The following DEPDC7 variants were observed in gnomAD, a reference collection of about 807,000 sequenced individuals.
DEPDC7 encodes the protein DEP domain-containing protein 7.
Under a neutral mutation model 56.6 loss-of-function variants are expected in DEPDC7, and 41 were observed. The ratio of observed to expected loss-of-function variants is 0.72; its 90% CI spans 0.56 to 0.94. DEPDC7 has a LOEUF of 0.94. Ranked by LOEUF, DEPDC7 falls within the 40% of genes least tolerant of loss-of-function variation. The pLI is 0.00. For missense variants in DEPDC7, 522 were observed against 596.3 expected (o/e 0.88, Z 1.30); for synonymous variants, 185 against 208.8 (o/e 0.89, Z 0.98).
At chr11:33,031,673 A>G (rs1441386446) in intron 5 of DEPDC7, 84 bp downstream of exon 5, 25 of 1,068,146 alleles carry the variant, frequency 2.3e-5, no homozygotes, top group Non-Finnish European at 3.5e-5. Context: ...CCAGAATAGT[A>G]CTACTACAAG....
intron 1 of DEPDC7, among the ~76,000 whole-genome samples, 177 bp from the exon 2 acceptor site, chr11:33,025,482 A>G (rs1289223025): frequency 6.6e-6 from 1 of 152,214 alleles, no homozygotes; most frequent in Non-Finnish European, 1.5e-5. Context: ...TTGGCATATA[A>G]GTACCAAATT....
At chr11:33,022,837 A>G (rs1853536398) in intron 1 of DEPDC7, among the ~76,000 whole-genome samples, 1 of 152,218 alleles carries the variant, frequency 6.6e-6, no homozygotes, top group South Asian at 2.1e-4. Context: ...TATTTAGTCA[A>G]TTCTCCATAA....
rs369905522 is a variant in DEPDC7, at chr11:33,023,225, G to C, written c.74-2434G>C. Reference sequence around the variant, plus strand: ...AGCCTGGGTGACAGAGAGGGACTCTGTCTCAAAAAAAAAAAAAAAATCTTG... The same window carrying C: ...AGCCTGGGTGACAGAGAGGGACTCTCTCTCAAAAAAAAAAAAAAAATCTTG... On this transcript the variant is annotated intron_variant, in intron 1 of 8. Coordinates refer to ENST00000241051, the MANE Select transcript of DEPDC7 (RefSeq NM_001077242.2). Among the ~76,000 whole-genome samples, 23 of 146,866 alleles carry C rather than the reference G, an allele frequency of 1.6e-4. 1 individual carries two copies. The East Asian group carries it at 3.0e-3, about 19-fold the overall frequency.
intron 2 of DEPDC7, 43 bp from the exon 3 acceptor site, chr11:33,027,643 G>T: frequency 6.9e-7 from 1 of 1,443,032 alleles, no homozygotes; most frequent in Non-Finnish European, 9.1e-7. Context: ...AAATATTTCT[G>T]TGGGCTTAGT....
At chr11:33,027,886 T>C in intron 3 of DEPDC7, 73 bp downstream of exon 3, 1 of 1,382,716 alleles carries the variant, frequency 7.2e-7, no homozygotes, top group South Asian at 1.5e-5. Context: ...TTAATCTTAA[T>C]CTTTATTAGA....
Position 33,028,711 on chromosome 11 carries a change from C to G in DEPDC7, c.701C>G (p.Pro234Arg). The G allele has an allele frequency of 6.2e-7, 1 of 1,613,968 alleles. No homozygotes were observed. The highest frequency in any genetic ancestry group is 8.5e-7 in the Non-Finnish European group (1 of 1,179,980). Residue 234 changes from proline to arginine, a missense_variant, in exon 4 of 9, where the codon CCT (proline) becomes CGT (arginine). Coordinates refer to ENST00000241051, the MANE Select transcript of DEPDC7 (RefSeq NM_001077242.2). ...CAGCAAGAGGCTGTACCTAAAATTC[C>G]TCAACCTAAGAGGCAGTCCACCATG... ...LKQQEAVPKI[P>R]QPKRQSTMVN...
At chr11:33,016,336 C>T in intron 1 of DEPDC7, 1 of 1,401,336 alleles carries the variant, frequency 7.1e-7, no homozygotes, top group Non-Finnish European at 9.2e-7. Flanking sequence ...CAGGCACGCG[C>T]CGGGGAGCTC....
chr11:33,025,377 G>A (rs1284381306), intron 1 of DEPDC7, among the ~76,000 whole-genome samples: 4 of 152,082 alleles, frequency 2.6e-5, no homozygotes, highest in Non-Finnish European at 5.9e-5. Flanking sequence ...GATCTAACAC[G>A]TATGGATTGT....
intron 1 of DEPDC7, among the ~76,000 whole-genome samples, chr11:33,019,838 A>G (rs1255304913): frequency 2.0e-5 from 3 of 152,030 alleles, no homozygotes; most frequent in South Asian, 2.1e-4. Flanking sequence ...CCATCTCTTA[A>G]AAGTTTTATG....
At chr11:33,025,554 A>G in intron 1 of DEPDC7, 105 bp from the exon 2 acceptor site, 1 of 1,100,716 alleles carries the variant, frequency 9.1e-7, no homozygotes, top group Non-Finnish European at 1.3e-6. Context: ...GCTCCTTATC[A>G]ATAACTTTGG....
intron 1 of DEPDC7, among the ~76,000 whole-genome samples, chr11:33,020,872 A>C (rs1853516515): frequency 6.6e-6 from 1 of 152,222 alleles, no homozygotes; most frequent in Non-Finnish European, 1.5e-5. Context: ...AAAGAAACCT[A>C]CTTACAGAGA....
chr11:33,029,672 G>C (rs1252614420), intron 4 of DEPDC7, among the ~76,000 whole-genome samples: 4 of 151,942 alleles, frequency 2.6e-5, no homozygotes, highest in Non-Finnish European at 5.9e-5. Context: ...ATTATTGTCG[G>C]TTAAAATAAG....
chr11:33,027,047 T>C (rs11032092), intron 2 of DEPDC7, among the ~76,000 whole-genome samples: 60,976 of 152,012 alleles, frequency 0.4, 12,409 homozygotes, highest in East Asian at 0.45. Context: ...CCACACACTT[T>C]ATCTGAAATC....
chr11:33,028,919 A>G (rs1853605638), intron 4 of DEPDC7, 127 bp downstream of exon 4: 1 of 573,528 alleles, frequency 1.7e-6, no homozygotes, highest in South Asian at 6.8e-5. Flanking sequence ...TATTATCAGT[A>G]TTTGAGAATG....
At chr11:33,027,945 G>A in intron 3 of DEPDC7, 132 bp downstream of exon 3, 1 of 858,058 alleles carries the variant, frequency 1.2e-6, no homozygotes, top group Non-Finnish European at 1.6e-6. Context: ...TATTAAAGCT[G>A]TTTATGTTCA....
intron 3 of DEPDC7, 82 bp downstream of exon 3, chr11:33,027,895 G>A: frequency 7.4e-7 from 1 of 1,345,210 alleles, no homozygotes; most frequent in Non-Finnish European, 9.8e-7. Flanking sequence ...ATCTTTATTA[G>A]ATTTTAAATA....
In DEPDC7 at chr11:33,015,901, G is replaced by A. The variant is rs1165180594; in HGVS notation, c.-55G>A. On this transcript the variant is annotated 5_prime_UTR_variant, in exon 1 of 9. Coordinates refer to ENST00000241051, the MANE Select transcript of DEPDC7 (RefSeq NM_001077242.2). ...GCACAGTTAACAGACGGGCGCTCAG[G>A]GAGCTAGGGAGCTGTGAAGCTGCTG... 57 of 1,511,792 alleles carry A rather than the reference G, an allele frequency of 3.8e-5. 1 individual carries two copies. In the Admixed American group the frequency reaches 7.2e-4, roughly 19 times the overall value. The allele number at this position is 1,511,792 out of a possible 1,614,324, so 93.6% of individuals were successfully genotyped here. A position where few individuals can be genotyped will look rare whatever the true frequency, so the allele number is the denominator to read the frequency against.
In DEPDC7 at chr11:33,025,086, A is replaced by G. The variant is rs16923728; in HGVS notation, c.74-573A>G. The stretch of plus-strand genomic sequence containing the variant: ...TACTTGATGTGTCCTCCTAACTCCC[A>G]GTCTCAAACTCCAGCCCCTCTCCCT... On this transcript the variant is annotated intron_variant, in intron 1 of 8. Coordinates refer to ENST00000241051, the MANE Select transcript of DEPDC7 (RefSeq NM_001077242.2). Among the ~76,000 whole-genome samples the G allele has an allele frequency of 1.2e-3, 177 of 152,152 alleles. 1 individual carries two copies. Among genetic ancestry groups the G allele is most frequent in the African/African-American group, 4.1e-3 (170 of 41,532 alleles).
chr11:33,027,781 A>G lies in DEPDC7; in HGVS notation c.560A>G (p.His187Arg). 3 of 1,577,852 alleles carry G rather than the reference A, an allele frequency of 1.9e-6. No homozygotes were observed. The highest frequency in any genetic ancestry group is 2.6e-6 in the Non-Finnish European group (3 of 1,166,076). Residue 187 changes from histidine to arginine, a missense_variant, in exon 3 of 9, where the codon CAT (histidine) becomes CGT (arginine). By Grantham distance (29) the His-to-Arg change is conservative. Coordinates refer to ENST00000241051, the MANE Select transcript of DEPDC7 (RefSeq NM_001077242.2). Reference sequence around the variant, plus strand: ...AGTTTAAAGCCTGCCAACTCCCCTCATGTAAATATCTCTGCAACCTTGTCT... The same window carrying G: ...AGTTTAAAGCCTGCCAACTCCCCTCGTGTAAATATCTCTGCAACCTTGTCT... ...NLSLKPANSP[H>R]VNISATLSPQ...
Sources: gnomAD v4.1 joint callset for allele counts (sites outside exome capture counted in the v4.1 genomes callset) on GRCh38, gnomAD v4.1.1 for gene constraint, MANE v1.5 for transcripts, NCBI Gene and HGNC (gene_info 2026-07-23, HGNC 2026-07-21) for gene names.